Variants in HRH2 observed in about 807,000 individuals in gnomAD.
The protein encoded by HRH2 is histamine receptor H2.
In HRH2, 4 loss-of-function variants were observed where a neutral mutation model predicts 20.1. The ratio of observed to expected loss-of-function variants is 0.20; its 90% CI spans 0.10 to 0.45. The LOEUF is 0.45. HRH2 is among the 20% of genes least tolerant of loss of function. HRH2 has a pLI of 0.99. For missense variants in HRH2, 250 were observed against 461.6 expected (o/e 0.54, Z 4.20); for synonymous variants, 197 against 200.7 (o/e 0.98, Z 0.16).
At chr5:175,697,388 A>G (rs890035814) in intron 2 of HRH2, among the ~76,000 whole-genome samples, 4 of 150,312 alleles carry the variant, frequency 2.7e-5, no homozygotes, top group East Asian at 4.0e-4. Context: ...GCATGAACCC[A>G]AGAGGCGGAG....
At chr5:175,678,037 C>T (rs967105216) in intron 1 of HRH2, among the ~76,000 whole-genome samples, 3 of 152,228 alleles carry the variant, frequency 2.0e-5, no homozygotes, top group Non-Finnish European at 4.4e-5. Flanking sequence ...GATCTCAACT[C>T]GAATATCGCT....
Position 175,683,403 on chromosome 5 carries a change from T to C in HRH2, c.170T>C (p.Ile57Thr), listed in dbSNP as rs1449336889. 6.2e-7 allele frequency: 1 copy of C among 1,614,214 alleles called. No individual in the cohort carries two copies. The highest frequency in any genetic ancestry group is 8.5e-7 in the Non-Finnish European group (1 of 1,180,040). ...RRLRNLTNCF[I>T]VSLAITDLLL... Reference sequence around the variant, plus strand: ...CTCCGCAACCTGACCAATTGTTTCATCGTGTCCTTGGCTATCACTGACCTG... The same window carrying C: ...CTCCGCAACCTGACCAATTGTTTCACCGTGTCCTTGGCTATCACTGACCTG... Residue 57 changes from isoleucine to threonine, a missense_variant, in exon 2 of 3, where the codon ATC (isoleucine) becomes ACC (threonine). Around this residue, in one of 5 missense-constraint regions of HRH2, gnomAD observed 86 missense variants for 176.4 expected, o/e 0.49. Transcript: ENST00000636584.
intron 1 of HRH2, among the ~76,000 whole-genome samples, chr5:175,676,123 A>G (rs1755751224): frequency 6.6e-6 from 1 of 152,254 alleles, no homozygotes; most frequent in Non-Finnish European, 1.5e-5. Flanking sequence ...TGTCACGTGC[A>G]CGTTTACACT....
intron 2 of HRH2, among the ~76,000 whole-genome samples, chr5:175,705,796 G>C (rs2113566298): frequency 6.6e-6 from 1 of 152,118 alleles, no homozygotes. Flanking sequence ...CCAAGTAGCT[G>C]GGACTATAGG....
At position 175,708,789 on chromosome 5, in the gene HRH2, G is replaced by A. The variant is rs1757017958; in HGVS notation, c.*818G>A. 1 of 152,090 alleles carries A rather than the reference G, an allele frequency of 6.6e-6. No individual in the cohort carries two copies. The highest frequency in any genetic ancestry group is 2.1e-4 in the South Asian group (1 of 4,822). 9.4% of individuals were successfully genotyped at this position (152,090 alleles called of 1,614,324 possible). A position where few individuals can be genotyped will look rare whatever the true frequency, so the allele number is the denominator to read the frequency against. ...CAAGGCTTAGACCCCCAGGCTCTGGGGGTCCCTTCCTGCTACAGTATGACC... is the reference window on the plus strand; with the variant it reads ...CAAGGCTTAGACCCCCAGGCTCTGGAGGTCCCTTCCTGCTACAGTATGACC... On this transcript the variant is annotated 3_prime_UTR_variant, in exon 3 of 3. Transcript: ENST00000636584.
intron 2 of HRH2, 74 bp from the exon 3 acceptor site, chr5:175,707,705 G>A (rs1756988804): frequency 8.9e-6 from 1 of 112,448 alleles, no homozygotes; most frequent in Admixed American, 1.4e-4. Context: ...AAGCAAAATT[G>A]AGAGGCTAAA....
intron 2 of HRH2, among the ~76,000 whole-genome samples, chr5:175,690,185 A>C (rs1021189337): frequency 6.6e-6 from 1 of 151,952 alleles, no homozygotes; most frequent in Non-Finnish European, 1.5e-5. Flanking sequence ...CTCACCCCAC[A>C]GTCAGGGGCC....
chr5:175,674,921 C>T (rs944639858), intron 1 of HRH2, among the ~76,000 whole-genome samples: 9 of 152,192 alleles, frequency 5.9e-5, no homozygotes, highest in African/African-American at 2.2e-4. Flanking sequence ...ATCACAAGGG[C>T]GGAAGTGTCT....
intron 2 of HRH2, among the ~76,000 whole-genome samples, chr5:175,706,402 T>G (rs949693798): frequency 3.9e-5 from 6 of 152,276 alleles, no homozygotes; most frequent in African/African-American, 1.4e-4. Context: ...TGGTCTGAAT[T>G]TGTTACTATG....
chr5:175,683,179 C>A lies in HRH2; in HGVS notation c.-55C>A. On this transcript the variant is annotated 5_prime_UTR_variant, in exon 2 of 3. Transcript: ENST00000636584. ...GTTGGCATAGTTGTCACATTGGGAG[C>A]AGAGAAGAAGCAACCAGGGGCCCTG... is the stretch of plus-strand genomic sequence containing the variant. 1 of 1,565,504 alleles carries A rather than the reference C, an allele frequency of 6.4e-7. No homozygotes were observed.
chr5:175,680,692 A>G (rs1486645390), intron 1 of HRH2, among the ~76,000 whole-genome samples: 3 of 152,220 alleles, frequency 2.0e-5, no homozygotes, highest in Admixed American at 6.5e-5. Flanking sequence ...TTCTGCCCAC[A>G]TGGGACAGGA....
At chr5:175,665,812 A>G (rs1022135821) in intron 1 of HRH2, among the ~76,000 whole-genome samples, 1 of 152,120 alleles carries the variant, frequency 6.6e-6, no homozygotes, top group African/African-American at 2.4e-5. Context: ...AATCCTGGAA[A>G]CCGACCTGGC....
chr5:175,661,612 TCA>T (rs1237502094), intron 1 of HRH2, among the ~76,000 whole-genome samples: 1 of 152,134 alleles, frequency 6.6e-6, no homozygotes, highest in African/African-American at 2.4e-5. Flanking sequence ...TAATCAGGGA[TCA>T]CAGAGATGCT....
chr5:175,679,872 C>T (rs578221561), intron 1 of HRH2, among the ~76,000 whole-genome samples: 3 of 152,284 alleles, frequency 2.0e-5, no homozygotes, highest in East Asian at 1.9e-4. Flanking sequence ...GATCAAAGAA[C>T]GGGTATTAAG....
chr5:175,684,652 T>G (rs1756104673), intron 2 of HRH2, among the ~76,000 whole-genome samples: 1 of 152,228 alleles, frequency 6.6e-6, no homozygotes, highest in South Asian at 2.1e-4. Flanking sequence ...TGACTGCCAC[T>G]GAGGAGTCGT....
In HRH2 at chr5:175,659,361, C is replaced by T. The variant is rs533287462; in HGVS notation, c.-526+1206C>T. On this transcript the variant is annotated intron_variant, in intron 1 of 2. Transcript: ENST00000636584. Reference sequence around the variant, plus strand: ...TTATCCAAGGCAATTGGATAGATTACGTTTTTTGACATCTCTGGGTCTGGA... The same window carrying T: ...TTATCCAAGGCAATTGGATAGATTATGTTTTTTGACATCTCTGGGTCTGGA... Among the ~76,000 whole-genome samples, 13 of 152,216 alleles carry T rather than the reference C, an allele frequency of 8.5e-5. No individual in the cohort carries two copies. In the South Asian group the frequency reaches 2.1e-3, roughly 24 times the overall value.
Position 175,684,103 on chromosome 5 carries a change from G to A in HRH2, c.870G>A (p.Ala290=), listed in dbSNP as rs137993607. 5.2e-5 allele frequency: 84 copies of A among 1,614,048 alleles called. No individual in the cohort carries two copies. The highest frequency in any genetic ancestry group is 1.6e-4 in the East Asian group (7 of 44,892). The change falls in exon 2 of 3, where the codon GCG becomes GCA. Residue 290 remains alanine, a synonymous_variant. Coordinates refer to ENST00000636584, the MANE Select transcript of HRH2 (RefSeq NM_001367711.1). ...NSALNPILYA[A]LNRDFRTGYQ... ...CCCTGAACCCCATCCTGTATGCTGC[G>A]CTGAACAGAGACTTCCGCACCGGGT...
rs139350514 is a variant in HRH2 at position 175,683,299 on chromosome 5, C to T, written c.66C>T (p.Thr22=). The stretch of plus-strand genomic sequence containing the variant: ...CTACCGCATGCAAGATCACCATCAC[C>T]GTGGTCCTTGCGGTCCTCATCCTCA... ...LDSTACKITI[T]VVLAVLILIT... Residue 22 remains threonine, a synonymous_variant, in exon 2 of 3, where the codon ACC becomes ACT. Coordinates refer to ENST00000636584, the MANE Select transcript of HRH2 (RefSeq NM_001367711.1). 5.0e-6 allele frequency: 8 copies of T among 1,614,022 alleles called. No homozygotes were observed. In the African/African-American group the frequency reaches 5.3e-5, roughly 11 times the overall value.
rs956497688 is a variant in HRH2 at position 175,704,700 on chromosome 5, C to T, written c.1077-3079C>T. On this transcript the variant is annotated intron_variant, in intron 2 of 2. Transcript: ENST00000636584. ...CTATACAGAAACCAAAAAGTATCTA[C>T]AAATTGTTGTCATGAATGAGAAAGT... Among the ~76,000 whole-genome samples, 65 of 152,106 alleles carry T rather than the reference C, an allele frequency of 4.3e-4. 3 individuals carry two copies. The highest frequency in any genetic ancestry group is 1.5e-5 in the Non-Finnish European group (1 of 68,006).
Sources: gnomAD v4.1 joint callset for allele counts (sites outside exome capture counted in the v4.1 genomes callset) on GRCh38, gnomAD v4.1.1 for gene constraint, gnomAD v4.1.1 regional missense constraint, MANE v1.5 for transcripts, NCBI Gene and HGNC (gene_info 2026-07-23, HGNC 2026-07-21) for gene names.